The following DCC variants were observed in gnomAD, a reference collection of about 807,000 sequenced individuals.
The protein encoded by DCC is netrin receptor DCC.
In DCC, 58 loss-of-function variants were observed where a neutral mutation model predicts 172.5. The observed-to-expected ratio is 0.34, with a 90% CI of 0.27 to 0.42. The LOEUF (loss-of-function observed/expected upper bound fraction) is 0.42, where lower values mean the gene tolerates loss of function less well. DCC is among the 10% of genes least tolerant of loss of function. The pLI, the probability that DCC is intolerant of heterozygous loss-of-function variation, is 1.00. For synonymous variants in DCC, 709 were observed against 644.5 expected, an observed-to-expected ratio of 1.10 and a Z score of -1.52; for missense variants, 1,740 against 1,791.0, an observed-to-expected ratio of 0.97 and a Z score of 0.51.
intron 2 of DCC, among the ~76,000 whole-genome samples, chr18:52,882,763 T>A (rs1024290291): frequency 6.6e-6 from 1 of 152,172 alleles, no homozygotes. Context: ...TGTAAATAGC[T>A]ATTAGGCTTA....
chr18:53,259,898 C>G (rs1019995974), intron 12 of DCC, among the ~76,000 whole-genome samples: 7 of 30,912 alleles, frequency 2.3e-4, no homozygotes, highest in African/African-American at 6.7e-4. Context: ...TTCTTGGAGG[C>G]TTTGTTCTTT....
intron 1 of DCC, among the ~76,000 whole-genome samples, chr18:52,463,396 G>A (rs1435858802): frequency 6.6e-6 from 1 of 152,050 alleles, no homozygotes; most frequent in East Asian, 1.9e-4. Context: ...GGATCATTTG[G>A]TCATATTGGT....
intron 2 of DCC, among the ~76,000 whole-genome samples, chr18:52,874,620 C>T (rs2039374944): frequency 6.6e-6 from 1 of 152,114 alleles, no homozygotes; most frequent in South Asian, 2.1e-4. Flanking sequence ...TGCTATCACA[C>T]ATGTTCTTTA....
At chr18:52,414,511 T>A (rs1015776287) in intron 1 of DCC, among the ~76,000 whole-genome samples, 2 of 152,164 alleles carry the variant, frequency 1.3e-5, no homozygotes, top group Non-Finnish European at 2.9e-5. Context: ...ATGGCCAAAG[T>A]AGATGGACCA....
intron 5 of DCC, among the ~76,000 whole-genome samples, chr18:52,998,371 C>A (rs1363484820): frequency 1.3e-5 from 2 of 152,000 alleles, no homozygotes; most frequent in Non-Finnish European, 2.9e-5. Context: ...AAATAGTGGG[C>A]AAGCTTATAT....
Position 52,653,845 on chromosome 18 carries a change from GCCC to G in DCC, c.92-98208_92-98206del, listed in dbSNP as rs1231984041. 1.5e-3 allele frequency among the ~76,000 whole-genome samples: 221 copies of G among 152,196 alleles called. 6 individuals are homozygous for G. The East Asian group carries it at 0.038, about 26-fold the overall frequency. On this transcript the variant is annotated intron_variant, in intron 1 of 28. Coordinates refer to ENST00000442544, the MANE Select transcript of DCC (RefSeq NM_005215.4). Reference sequence around the variant, plus strand: ...TAAGTAGCTTTGCTTCACTTTTGTTGCCCAGTGGACCATATGCAGTAGTGAGTT... The same window carrying G: ...TAAGTAGCTTTGCTTCACTTTTGTTGAGTGGACCATATGCAGTAGTGAGTT...
intron 22 of DCC, among the ~76,000 whole-genome samples, chr18:53,444,264 G>A (rs1172947337): frequency 6.6e-6 from 1 of 152,166 alleles, no homozygotes; most frequent in East Asian, 1.9e-4. Flanking sequence ...GCCACAGGCT[G>A]GGCATGGTGG....
chr18:52,445,981 G>C (rs533637854), intron 1 of DCC, among the ~76,000 whole-genome samples: 1 of 152,216 alleles, frequency 6.6e-6, no homozygotes, highest in Non-Finnish European at 1.5e-5. Flanking sequence ...GCCCAGGCTA[G>C]AGTGCAGTGG....
At chr18:52,594,565 G>C in intron 1 of DCC, among the ~76,000 whole-genome samples, 1 of 152,086 alleles carries the variant, frequency 6.6e-6, no homozygotes, top group Non-Finnish European at 1.5e-5. Context: ...CATGTGTTTG[G>C]TCATTCTTGT....
intron 1 of DCC, among the ~76,000 whole-genome samples, chr18:52,430,578 G>T (rs1241818419): frequency 6.6e-6 from 1 of 152,054 alleles, no homozygotes; most frequent in Non-Finnish European, 1.5e-5. Flanking sequence ...TTTGTGGTAG[G>T]AATCTATGGA....
intron 5 of DCC, among the ~76,000 whole-genome samples, chr18:53,048,489 T>TTGTGTGTGTG (rs71175550): frequency 8.6e-5 from 12 of 139,422 alleles, no homozygotes; most frequent in African/African-American, 2.4e-4. Context: ...ACTCCATGGT[T>TTGTGTGTGTG]TGTGTGTGTG....
intron 20 of DCC, among the ~76,000 whole-genome samples, chr18:53,410,995 C>T (rs1253076623): frequency 1.3e-5 from 2 of 152,060 alleles, no homozygotes; most frequent in Non-Finnish European, 2.9e-5. Context: ...GAATAGCATA[C>T]TATTGCCGAC....
chr18:52,385,444 T>G (rs942605666), intron 1 of DCC, among the ~76,000 whole-genome samples: 1 of 151,948 alleles, frequency 6.6e-6, no homozygotes, highest in Admixed American at 6.6e-5. Context: ...TCTGACTTAT[T>G]TTTGTATGCC....
chr18:53,027,104 C>T (rs993802648), intron 5 of DCC, among the ~76,000 whole-genome samples: 1 of 152,114 alleles, frequency 6.6e-6, no homozygotes, highest in African/African-American at 2.4e-5. Flanking sequence ...GTATTTCTTT[C>T]TCATGTCTCT....
intron 1 of DCC, among the ~76,000 whole-genome samples, chr18:52,573,597 CTT>C (rs1232345353): frequency 2.6e-5 from 4 of 152,264 alleles, no homozygotes; most frequent in African/African-American, 7.2e-5. Context: ...TGTTCGTTCT[CTT>C]TTAATTACCA....
At chr18:52,642,260 G>A (rs776705049) in intron 1 of DCC, among the ~76,000 whole-genome samples, 3 of 151,814 alleles carry the variant, frequency 2.0e-5, no homozygotes, top group Non-Finnish European at 2.9e-5. Context: ...TCATATGTGC[G>A]AGCTAGGCTG....
chr18:52,631,022 CTT>C (rs2034664890), intron 1 of DCC, among the ~76,000 whole-genome samples: 1 of 152,174 alleles, frequency 6.6e-6, no homozygotes. Context: ...CACAGCAAAA[CTT>C]TTCTCCTGGC....
At chr18:53,318,099 C>T (rs941379293) in intron 13 of DCC, among the ~76,000 whole-genome samples, 1 of 152,140 alleles carries the variant, frequency 6.6e-6, no homozygotes, top group Admixed American at 6.5e-5. Context: ...ATCTTTCCTG[C>T]TTTCTCCTGT....
intron 7 of DCC, among the ~76,000 whole-genome samples, chr18:53,066,668 A>T (rs528019131): frequency 6.6e-6 from 1 of 151,918 alleles, no homozygotes; most frequent in Non-Finnish European, 1.5e-5. Context: ...TATATACATA[A>T]GGACTGTACA....
Sources: gnomAD v4.1 joint callset for allele counts (sites outside exome capture counted in the v4.1 genomes callset) on GRCh38, gnomAD v4.1.1 for gene constraint, MANE v1.5 for transcripts, NCBI Gene and HGNC (gene_info 2026-07-23, HGNC 2026-07-21) for gene names.